Variants in ACBD6 observed in about 807,000 individuals in gnomAD.
The protein encoded by ACBD6 is acyl-CoA binding domain containing 6.
A neutral mutation model predicts 37.2 loss-of-function variants in ACBD6; 28 were observed. That is an observed-to-expected ratio of 0.75 (90% CI 0.56 to 1.03). The LOEUF (loss-of-function observed/expected upper bound fraction) is 1.03, where lower values mean the gene tolerates loss of function less well. ACBD6 is among the 50% of genes least tolerant of loss of function. ACBD6 has a pLI of 0.00. For synonymous variants in ACBD6, 113 were observed against 126.8 expected (o/e 0.89, Z 0.73); for missense variants, 340 against 337.4 (o/e 1.01, Z -0.06).
At chr1:180,448,201 C>A (rs1649550762) in intron 3 of ACBD6, among the ~76,000 whole-genome samples, 1 of 152,144 alleles carries the variant, frequency 6.6e-6, no homozygotes, top group Non-Finnish European at 1.5e-5. Flanking sequence ...AAGTATATGG[C>A]AATCCTACCA....
At chr1:180,420,767 G>A (rs529599435) in intron 4 of ACBD6, among the ~76,000 whole-genome samples, 29 of 152,266 alleles carry the variant, frequency 1.9e-4, no homozygotes, top group African/African-American at 7.0e-4. Context: ...ACCAGAAGAC[G>A]GTGTTTACCT....
intron 6 of ACBD6, among the ~76,000 whole-genome samples, chr1:180,352,525 A>G (rs943992168): frequency 2.0e-5 from 3 of 152,094 alleles, no homozygotes; most frequent in Non-Finnish European, 4.4e-5. Context: ...TGGGTTCAAC[A>G]TTTTTTGGAA....
At chr1:180,276,524 A>G (rs949861405) in intron 9 of ACBD6, 8 of 152,190 alleles carry the variant, frequency 5.3e-5, no homozygotes, top group African/African-American at 1.7e-4. Flanking sequence ...TGTTGTGTTA[A>G]TCCTAGCCAA....
At chr1:180,449,693 C>G (rs2102024630) in intron 3 of ACBD6, among the ~76,000 whole-genome samples, 1 of 151,998 alleles carries the variant, frequency 6.6e-6, no homozygotes, top group South Asian at 2.1e-4. Context: ...TGTTCTCACT[C>G]ATAGGTGGGA....
chr1:180,496,198 A>T (rs1271366524), intron 1 of ACBD6, among the ~76,000 whole-genome samples: 1 of 152,182 alleles, frequency 6.6e-6, no homozygotes, highest in African/African-American at 2.4e-5. Context: ...AATTTTCATT[A>T]AGAATAAGCA....
chr1:180,476,686 C>T (rs1352870026), intron 3 of ACBD6, among the ~76,000 whole-genome samples: 2 of 151,952 alleles, frequency 1.3e-5, no homozygotes, highest in Admixed American at 6.6e-5. Flanking sequence ...ATGAGCCGGG[C>T]GTGGTGGCGG....
At chr1:180,295,107 T>C (rs1649866763) in intron 7 of ACBD6, among the ~76,000 whole-genome samples, 1 of 152,224 alleles carries the variant, frequency 6.6e-6, no homozygotes, top group Admixed American at 6.5e-5. Flanking sequence ...TCTGATTTTC[T>C]ATTTCAATGA....
chr1:180,475,900 T>C (rs940600847), intron 3 of ACBD6, among the ~76,000 whole-genome samples: 1 of 152,212 alleles, frequency 6.6e-6, no homozygotes, highest in African/African-American at 2.4e-5. Flanking sequence ...GGGGCACTTT[T>C]CATTTTCCCT....
At chr1:180,286,423 TC>T (rs1649502192), downstream of ACBD6, among the ~76,000 whole-genome samples, 2 of 152,228 alleles carry the variant, frequency 1.3e-5, no homozygotes, top group Admixed American at 1.3e-4. Flanking sequence ...AGCTTCTTGC[TC>T]AAATACCCTG....
intron 4 of ACBD6, among the ~76,000 whole-genome samples, chr1:180,425,014 G>A (rs1424097325): frequency 2.0e-5 from 3 of 152,220 alleles, no homozygotes; most frequent in South Asian, 2.1e-4. Flanking sequence ...TTATCTCTTC[G>A]CTTTAATCGC....
chr1:180,478,388 C>T (rs189068320), intron 3 of ACBD6, among the ~76,000 whole-genome samples: 403 of 152,076 alleles, frequency 2.6e-3, no homozygotes, highest in African/African-American at 9.5e-3. Context: ...CTGAATTAAA[C>T]AACAATTCAA....
At chr1:180,365,283 C>T (rs1380565023) in intron 6 of ACBD6, among the ~76,000 whole-genome samples, 1 of 152,116 alleles carries the variant, frequency 6.6e-6, no homozygotes, top group African/African-American at 2.4e-5. Context: ...AACGTGCCCA[C>T]GATTGCCATA....
chr1:180,347,453 C>G lies in ACBD6; in HGVS notation c.664-32731G>C, dbSNP rs148546428. Among the ~76,000 whole-genome samples, 856 of 151,630 alleles carry G rather than the reference C, an allele frequency of 5.6e-3. 8 individuals are homozygous for G. Among genetic ancestry groups the G allele is most frequent in the African/African-American group, 0.019 (776 of 41,292 alleles). On this transcript the variant is annotated intron_variant, in intron 6 of 7. Coordinates refer to ENST00000367595, the MANE Select transcript of ACBD6 (RefSeq NM_032360.4). ...GATCTTGGCTCACTGCAGCCTCCCC[C>G]TCCCGGGGGTTGAAGCAATTCTCCT...
intron 4 of ACBD6, among the ~76,000 whole-genome samples, chr1:180,424,810 TG>T (rs1331085123): frequency 6.6e-5 from 10 of 152,254 alleles, no homozygotes; most frequent in African/African-American, 2.4e-4. Flanking sequence ...TGGTTTCAGT[TG>T]ATGAATGACC....
chr1:180,481,706 C>T (rs934752556), intron 3 of ACBD6, among the ~76,000 whole-genome samples: 1 of 149,698 alleles, frequency 6.7e-6, no homozygotes, highest in Admixed American at 6.7e-5. Context: ...TGCCCTGGAA[C>T]TTGAAGAAAC....
intron 6 of ACBD6, among the ~76,000 whole-genome samples, chr1:180,329,773 C>T (rs931278139): frequency 1.3e-5 from 2 of 151,924 alleles, no homozygotes; most frequent in African/African-American, 2.4e-5. Flanking sequence ...ATCTGTAGCC[C>T]GTGCACACTT....
At chr1:180,395,098 C>A (rs1052626788) in intron 6 of ACBD6, among the ~76,000 whole-genome samples, 2 of 152,200 alleles carry the variant, frequency 1.3e-5, no homozygotes, top group Admixed American at 6.5e-5. Context: ...AATTCTCTCA[C>A]ACACTGCTGG....
intron 6 of ACBD6, among the ~76,000 whole-genome samples, chr1:180,387,490 A>G (rs1444208667): frequency 2.6e-5 from 4 of 152,204 alleles, no homozygotes; most frequent in African/African-American, 9.6e-5. Context: ...AGGAGATGAA[A>G]GTCTAGGCTT....
chr1:180,398,837 A>C (rs1654363440), intron 5 of ACBD6, among the ~76,000 whole-genome samples: 2 of 152,212 alleles, frequency 1.3e-5, no homozygotes, highest in Non-Finnish European at 2.9e-5. Flanking sequence ...GTTTTTCCAC[A>C]TTAAGTTGAC....
Sources: allele counts gnomAD v4.1 joint callset (sites outside exome capture counted in the v4.1 genomes callset), GRCh38; gene constraint gnomAD v4.1.1; transcripts MANE v1.5; gene names NCBI Gene and HGNC (gene_info 2026-07-23, HGNC 2026-07-21).